C8orf34: variants seen among roughly 807,000 people sequenced by gnomAD.
The protein encoded by C8orf34 is chromosome 8 open reading frame 34, also known as uncharacterized protein C8orf34.
C8orf34 carries 65 observed loss-of-function variants against 68.3 expected under a neutral mutation model. The ratio of observed to expected loss-of-function variants is 0.95; its 90% CI spans 0.78 to 1.17. C8orf34 has a LOEUF of 1.17. C8orf34 is among the 50% of genes most tolerant of loss of function. The probability of loss-of-function intolerance (pLI) is 0.00; values close to 1 mark genes in which losing one functional copy is unlikely to be tolerated. For missense variants in C8orf34, 664 were observed against 655.4 expected (o/e 1.01, Z -0.14); for synonymous variants, 244 against 241.2 (o/e 1.01, Z -0.11).
chr8:68,555,650 A>G (rs1328975355), intron 7 of C8orf34, among the ~76,000 whole-genome samples: 1 of 149,040 alleles, frequency 6.7e-6, no homozygotes, highest in Non-Finnish European at 1.5e-5. Context: ...TCACAGTTTT[A>G]CATGCTCAGG....
At chr8:68,392,990 A>T (rs561879827) in intron 1 of C8orf34, among the ~76,000 whole-genome samples, 65 of 152,298 alleles carry the variant, frequency 4.3e-4, no homozygotes, top group African/African-American at 1.5e-3. Flanking sequence ...CATTTGTAAA[A>T]CAGTGCTGTA....
At chr8:68,615,899 G>T (rs1289309738) in intron 7 of C8orf34, among the ~76,000 whole-genome samples, 2 of 151,034 alleles carry the variant, frequency 1.3e-5, no homozygotes, top group Non-Finnish European at 2.9e-5. Flanking sequence ...GGTAGAATTC[G>T]GCTGTGAATC....
At chr8:68,777,678 A>G (rs1000151996) in intron 11 of C8orf34, among the ~76,000 whole-genome samples, 5 of 152,238 alleles carry the variant, frequency 3.3e-5, no homozygotes, top group Admixed American at 1.3e-4. Flanking sequence ...AAAAGTGCCA[A>G]GATGCTCTGC....
At chr8:68,788,816 G>T (rs990522029) in intron 12 of C8orf34, among the ~76,000 whole-genome samples, 1 of 151,724 alleles carries the variant, frequency 6.6e-6, no homozygotes, top group Non-Finnish European at 1.5e-5. Flanking sequence ...CCGAGATCGC[G>T]CCACTGCACT....
intron 10 of C8orf34, among the ~76,000 whole-genome samples, chr8:68,743,534 C>T (rs141678472): frequency 0.02 from 3,101 of 152,214 alleles, 48 homozygotes; most frequent in Non-Finnish European, 0.032. Context: ...GCACACCGTG[C>T]GCAAGCCGAA....
chr8:68,665,839 C>T (rs1009458220), intron 8 of C8orf34, among the ~76,000 whole-genome samples: 1 of 152,110 alleles, frequency 6.6e-6, no homozygotes, highest in Non-Finnish European at 1.5e-5. Flanking sequence ...GATTTCACTC[C>T]ATGCTCCTGG....
chr8:68,470,755 T>A lies in C8orf34; in HGVS notation c.736+1935T>A, dbSNP rs1490169597. Among the ~76,000 whole-genome samples, 5 of 152,078 alleles carry A rather than the reference T, an allele frequency of 3.3e-5. No homozygotes were observed. The East Asian group carries it at 9.6e-4, about 29-fold the overall frequency. ...ATATCCTAGCTGTGTCCTCACATGGTGGAAGGGGCAAGGGAGCTCTCAGAG... is the reference window on the plus strand; with the variant it reads ...ATATCCTAGCTGTGTCCTCACATGGAGGAAGGGGCAAGGGAGCTCTCAGAG... On this transcript the variant is annotated intron_variant, in intron 4 of 13. Coordinates refer to ENST00000518698, the MANE Select transcript of C8orf34 (RefSeq NM_052958.4).
At chr8:68,346,210 T>A (rs1034458885) in intron 1 of C8orf34, among the ~76,000 whole-genome samples, 1 of 152,104 alleles carries the variant, frequency 6.6e-6, no homozygotes, top group Non-Finnish European at 1.5e-5. Flanking sequence ...TATTAGAGAC[T>A]TTCTGAGAAT....
At chr8:68,766,095 T>C (rs1823165166) in intron 10 of C8orf34, among the ~76,000 whole-genome samples, 1 of 152,222 alleles carries the variant, frequency 6.6e-6, no homozygotes, top group African/African-American at 2.4e-5. Flanking sequence ...GAGAAATGTT[T>C]CCCTAAATAT....
At chr8:68,779,045 C>T (rs7843991) in intron 11 of C8orf34, among the ~76,000 whole-genome samples, 73,700 of 151,592 alleles carry the variant, frequency 0.49, 20,447 homozygotes, top group African/African-American at 0.76. Flanking sequence ...GGCATAGTGG[C>T]ACACACCTAT....
chr8:68,488,900 T>C (rs1026767175), intron 5 of C8orf34, among the ~76,000 whole-genome samples: 1 of 152,176 alleles, frequency 6.6e-6, no homozygotes, highest in Non-Finnish European at 1.5e-5. Flanking sequence ...TTATAAAGAT[T>C]ATATCTATCA....
At chr8:68,556,221 T>A (rs981424983) in intron 7 of C8orf34, among the ~76,000 whole-genome samples, 2 of 151,274 alleles carry the variant, frequency 1.3e-5, no homozygotes, top group Non-Finnish European at 2.9e-5. Flanking sequence ...TATATTTATC[T>A]CAATCTCTAT....
chr8:68,749,638 A>G (rs912635574), intron 10 of C8orf34, among the ~76,000 whole-genome samples: 2 of 152,152 alleles, frequency 1.3e-5, no homozygotes, highest in Non-Finnish European at 2.9e-5. Context: ...CCACTGATAT[A>G]CTTTCTGTTC....
intron 13 of C8orf34, 109 bp from the exon 14 acceptor site, chr8:68,818,130 G>A: frequency 9.3e-7 from 1 of 1,072,320 alleles, no homozygotes; most frequent in Non-Finnish European, 1.4e-6. Context: ...CCTTTCAAAA[G>A]TTCATTGGAA....
At chr8:68,721,800 A>G (rs999793974) in intron 10 of C8orf34, among the ~76,000 whole-genome samples, 16 of 152,066 alleles carry the variant, frequency 1.1e-4, no homozygotes, top group South Asian at 2.1e-4. Context: ...GTTAAACTAT[A>G]TATCTTCAAT....
intron 8 of C8orf34, among the ~76,000 whole-genome samples, chr8:68,663,068 C>T (rs975773986): frequency 6.6e-6 from 1 of 152,178 alleles, no homozygotes; most frequent in African/African-American, 2.4e-5. Flanking sequence ...CTTTTTCTTG[C>T]TCTCTGTACC....
chr8:68,514,341 C>A (rs1457217096), intron 5 of C8orf34, among the ~76,000 whole-genome samples: 1 of 152,124 alleles, frequency 6.6e-6, no homozygotes, highest in Non-Finnish European at 1.5e-5. Context: ...ACCCTCCCAC[C>A]TGGCTGTCTC....
At chr8:68,721,282 C>A in intron 9 of C8orf34, 79 bp from the exon 10 acceptor site, 1 of 900,670 alleles carries the variant, frequency 1.1e-6, no homozygotes, top group Non-Finnish European at 1.7e-6. Flanking sequence ...TTTTATTCTT[C>A]TCACAACAGG....
chr8:68,775,592 T>C (rs1287100292), intron 10 of C8orf34, among the ~76,000 whole-genome samples: 1 of 152,218 alleles, frequency 6.6e-6, no homozygotes, highest in Non-Finnish European at 1.5e-5. Context: ...AGACTTAATG[T>C]AAAGTCTGGA....
Sources: gnomAD v4.1 joint callset for allele counts (sites outside exome capture counted in the v4.1 genomes callset) on GRCh38, gnomAD v4.1.1 for gene constraint, MANE v1.5 for transcripts, NCBI Gene and HGNC (gene_info 2026-07-23, HGNC 2026-07-21) for gene names.